EEIG2: variants seen among roughly 807,000 people sequenced by gnomAD.
EEIG2 encodes EEIG family member 2, also known as family with sequence similarity 102 member B.
the EEIG2 span, chr1:108,616,279 C>A: frequency 2.5e-6 from 2 of 786,532 alleles, no homozygotes; most frequent in South Asian, 3.1e-5. Context: ...ATTCAACAAT[C>A]ATTTTATTTA....
the EEIG2 span, among the ~76,000 whole-genome samples, chr1:108,589,560 T>C: frequency 6.6e-6 from 1 of 152,168 alleles, no homozygotes; most frequent in Admixed American, 6.6e-5. Context: ...TCTTTAAAGG[T>C]TTTCCCCTTG....
At chr1:108,560,593 C>T in the EEIG2 span, 2 of 1,602,484 alleles carry the variant, frequency 1.2e-6, no homozygotes, top group African/African-American at 1.3e-5. Context: ...CCGCCTCGCC[C>T]CTTTCTGCTT....
the EEIG2 span, among the ~76,000 whole-genome samples, chr1:108,574,713 G>A: frequency 0.03 from 4,578 of 152,342 alleles, 188 homozygotes; most frequent in East Asian, 0.17. Context: ...TCGTGCCATT[G>A]CACTCCAGCC....
At chr1:108,568,033 A>G in the EEIG2 span, among the ~76,000 whole-genome samples, 1 of 151,932 alleles carries the variant, frequency 6.6e-6, no homozygotes, top group South Asian at 2.1e-4. Flanking sequence ...GAAAAGAAAA[A>G]TGGTACTCAT....
the EEIG2 span, among the ~76,000 whole-genome samples, chr1:108,573,885 AT>A: frequency 6.6e-6 from 1 of 152,226 alleles, no homozygotes; most frequent in Non-Finnish European, 1.5e-5. Context: ...AAACAAAAAA[AT>A]AACAAGTGTT....
the EEIG2 span, among the ~76,000 whole-genome samples, chr1:108,578,258 G>C: frequency 3.4e-5 from 4 of 117,276 alleles, no homozygotes; most frequent in Non-Finnish European, 5.2e-5. Flanking sequence ...GGGACAATTT[G>C]ACTTCCTCTT....
At chr1:108,579,649 A>C in the EEIG2 span, among the ~76,000 whole-genome samples, 1 of 151,522 alleles carries the variant, frequency 6.6e-6, no homozygotes, top group Admixed American at 6.6e-5. Flanking sequence ...TTTTTTCAGC[A>C]CCACACCACA....
At chr1:108,621,668 G>A in the EEIG2 span, among the ~76,000 whole-genome samples, 1 of 152,190 alleles carries the variant, frequency 6.6e-6, no homozygotes, top group South Asian at 2.1e-4. Flanking sequence ...TAGGGACACT[G>A]TAATCAGGTC....
At chr1:108,572,418 A>G in the EEIG2 span, among the ~76,000 whole-genome samples, 22 of 151,892 alleles carry the variant, frequency 1.4e-4, no homozygotes, top group South Asian at 4.4e-3. Flanking sequence ...ACATTGACAC[A>G]TCATTATCAC....
the EEIG2 span, among the ~76,000 whole-genome samples, chr1:108,617,805 C>T: frequency 6.6e-6 from 1 of 152,136 alleles, no homozygotes; most frequent in Non-Finnish European, 1.5e-5. Context: ...AATGAAGAAA[C>T]GGCCTCAGAA....
the EEIG2 span, chr1:108,636,434 A>G: frequency 6.6e-6 from 1 of 152,248 alleles, no homozygotes; most frequent in East Asian, 1.9e-4. Flanking sequence ...TCAGAATAGA[A>G]TGACTTTGGT....
At chr1:108,610,545 T>C in the EEIG2 span, among the ~76,000 whole-genome samples, 4 of 152,198 alleles carry the variant, frequency 2.6e-5, no homozygotes, top group African/African-American at 7.2e-5. Flanking sequence ...TAATGTGTGA[T>C]CATTCATGTA....
chr1:108,618,767 G>A, the EEIG2 span, among the ~76,000 whole-genome samples: 1 of 151,262 alleles, frequency 6.6e-6, no homozygotes, highest in Admixed American at 6.6e-5. Flanking sequence ...AGCCTGGGAA[G>A]TGGAGGTTGC....
the EEIG2 span, chr1:108,635,556 G>C: frequency 2.0e-3 from 334 of 162,936 alleles, 1 homozygote; most frequent in Non-Finnish European, 3.9e-3. Flanking sequence ...TAGTTTGAGA[G>C]ACAGTACATG....
At chr1:108,587,736 C>T in the EEIG2 span, among the ~76,000 whole-genome samples, 2 of 152,172 alleles carry the variant, frequency 1.3e-5, no homozygotes, top group South Asian at 4.1e-4. Flanking sequence ...TCAGATTTCC[C>T]AGTCTATGAT....
chr1:108,618,836 C>CAA, the EEIG2 span, among the ~76,000 whole-genome samples: 460 of 141,364 alleles, frequency 3.3e-3, 2 homozygotes, highest in Middle Eastern at 7.1e-3. Flanking sequence ...GCCCCTGTCT[C>CAA]AAAAAAAAAA....
chr1:108,600,956 A>G, the EEIG2 span, among the ~76,000 whole-genome samples: 1 of 152,124 alleles, frequency 6.6e-6, no homozygotes, highest in African/African-American at 2.4e-5. Context: ...GACTGTATAT[A>G]TCTATATCCA....
chr1:108,635,939 A>G, the EEIG2 span: 1 of 152,224 alleles, frequency 6.6e-6, no homozygotes, highest in Non-Finnish European at 1.5e-5. Context: ...AACTCATTGA[A>G]TATTAAGATC....
At chr1:108,625,362 A>G in the EEIG2 span, 1 of 152,282 alleles carries the variant, frequency 6.6e-6, no homozygotes, top group South Asian at 2.1e-4. Context: ...GATAATGTCA[A>G]GGTTGCAGGA....
Sources: gnomAD v4.1 joint callset for allele counts (sites outside exome capture counted in the v4.1 genomes callset) on GRCh38, gnomAD v4.1.1 for gene constraint, MANE v1.5 for transcripts, NCBI Gene and HGNC (gene_info 2026-07-23, HGNC 2026-07-21) for gene names.